PTPRD: variants seen among roughly 807,000 people sequenced by gnomAD.
PTPRD encodes protein tyrosine phosphatase receptor type D, also known as receptor-type tyrosine-protein phosphatase delta.
A neutral mutation model predicts 214.5 loss-of-function variants in PTPRD; 34 were observed. The observed-to-expected ratio is 0.16, with a 90% CI of 0.12 to 0.21. The LOEUF is 0.21. Among genes scored for constraint, PTPRD ranks in the 10% least tolerant of loss-of-function variants. The pLI, the probability that PTPRD is intolerant of heterozygous loss-of-function variation, is 1.00. For missense variants in PTPRD, 2,545 were observed against 2,398.7 expected (o/e 1.06, Z -1.27); for synonymous variants, 1,128 against 845.7 (o/e 1.33, Z -5.79).
chr9:9,561,776 C>T (rs1318587699), intron 8 of PTPRD, among the ~76,000 whole-genome samples: 1 of 152,194 alleles, frequency 6.6e-6, no homozygotes, highest in East Asian at 1.9e-4. Context: ...AAAGACATCA[C>T]ATACTTTTCT....
At chr9:9,615,892 G>C (rs1033946659) in intron 7 of PTPRD, among the ~76,000 whole-genome samples, 5 of 152,132 alleles carry the variant, frequency 3.3e-5, no homozygotes, top group African/African-American at 1.2e-4. Flanking sequence ...TCTCTCAATA[G>C]GATGGCTGTG....
intron 9 of PTPRD, among the ~76,000 whole-genome samples, chr9:9,322,986 C>T (rs1420275968): frequency 2.0e-5 from 3 of 152,032 alleles, no homozygotes; most frequent in African/African-American, 7.2e-5. Context: ...TATAAACCTT[C>T]CAAGAAAATA....
intron 4 of PTPRD, among the ~76,000 whole-genome samples, chr9:9,967,332 C>A (rs929133684): frequency 1.3e-5 from 2 of 152,044 alleles, no homozygotes; most frequent in Non-Finnish European, 2.9e-5. Context: ...GAAATAAAGG[C>A]CCTTAACAAC....
At chr9:9,868,008 T>C (rs1281750463) in intron 5 of PTPRD, among the ~76,000 whole-genome samples, 1 of 151,986 alleles carries the variant, frequency 6.6e-6, no homozygotes, top group East Asian at 1.9e-4. Context: ...CCTCACAAGG[T>C]CAGGGGAGTA....
intron 4 of PTPRD, among the ~76,000 whole-genome samples, chr9:9,978,646 G>A (rs914153222): frequency 6.6e-6 from 1 of 152,088 alleles, no homozygotes; most frequent in East Asian, 1.9e-4. Context: ...ATGCACGCAT[G>A]CATGTATAGA....
At chr9:8,819,961 G>C (rs1437487046) in intron 11 of PTPRD, among the ~76,000 whole-genome samples, 1 of 152,074 alleles carries the variant, frequency 6.6e-6, no homozygotes, top group Non-Finnish European at 1.5e-5. Context: ...TGACAATTGA[G>C]TTGAGTGCCC....
At chr9:8,911,195 A>G (rs1352137641) in intron 11 of PTPRD, among the ~76,000 whole-genome samples, 1 of 152,232 alleles carries the variant, frequency 6.6e-6, no homozygotes, top group African/African-American at 2.4e-5. Context: ...GATTTTCATT[A>G]TTGATTTAAG....
intron 3 of PTPRD, among the ~76,000 whole-genome samples, chr9:10,118,487 A>G (rs910589737): frequency 2.0e-5 from 3 of 151,810 alleles, no homozygotes; most frequent in African/African-American, 7.2e-5. Context: ...TACCTGACAC[A>G]TAATAAAGAT....
At chr9:8,685,049 C>T (rs1416414053) in intron 12 of PTPRD, among the ~76,000 whole-genome samples, 2 of 152,024 alleles carry the variant, frequency 1.3e-5, no homozygotes, top group Admixed American at 6.5e-5. Context: ...TGTCAAGATG[C>T]CCTTCTGTCC....
chr9:9,006,890 T>C (rs2099472768), intron 11 of PTPRD, among the ~76,000 whole-genome samples: 1 of 152,030 alleles, frequency 6.6e-6, no homozygotes, highest in Non-Finnish European at 1.5e-5. Flanking sequence ...GGGGGTCATA[T>C]TTACATTTAA....
chr9:8,734,980 G>A (rs1038576875), intron 11 of PTPRD, among the ~76,000 whole-genome samples: 1 of 152,122 alleles, frequency 6.6e-6, no homozygotes, highest in Non-Finnish European at 1.5e-5. Context: ...GAAAACCTGA[G>A]TTTCCTGGTT....
chr9:9,785,863 C>A (rs2098919452), intron 5 of PTPRD, among the ~76,000 whole-genome samples: 1 of 152,048 alleles, frequency 6.6e-6, no homozygotes. Context: ...TTGCACAATT[C>A]CTGCTAGTCA....
At chr9:8,429,358 C>A (rs1365646572) in intron 35 of PTPRD, among the ~76,000 whole-genome samples, 1 of 152,034 alleles carries the variant, frequency 6.6e-6, no homozygotes, top group African/African-American at 2.4e-5. Flanking sequence ...TGCTCCTTAC[C>A]TCTATGATGG....
chr9:9,195,330 T>TG (rs2099937897), intron 9 of PTPRD, among the ~76,000 whole-genome samples: 1 of 152,032 alleles, frequency 6.6e-6, no homozygotes, highest in Non-Finnish European at 1.5e-5. Context: ...CAAAATATTC[T>TG]GTTTGTGAAA....
chr9:10,139,101 T>C (rs1454543255), intron 3 of PTPRD, among the ~76,000 whole-genome samples: 1 of 152,068 alleles, frequency 6.6e-6, no homozygotes, highest in Non-Finnish European at 1.5e-5. Flanking sequence ...GAAGTCAAAC[T>C]ATCTTTCTTC....
chr9:8,436,747 A>C, intron 34 of PTPRD, 58 bp from the exon 35 acceptor site: 4 of 1,301,570 alleles, frequency 3.1e-6, no homozygotes, highest in South Asian at 2.4e-5. Context: ...GATGCTAACT[A>C]TTCCAAAATA....
intron 3 of PTPRD, among the ~76,000 whole-genome samples, chr9:10,067,327 T>C (rs1014709288): frequency 3.3e-5 from 5 of 151,912 alleles, no homozygotes; most frequent in African/African-American, 7.2e-5. Context: ...GCTACAATTA[T>C]AATGGCACGT....
At chr9:9,888,307 G>A (rs1056696626) in intron 5 of PTPRD, among the ~76,000 whole-genome samples, 42 of 152,140 alleles carry the variant, frequency 2.8e-4, no homozygotes, top group African/African-American at 1.0e-3. Context: ...TAGTCCCCAA[G>A]TCATTATCTA....
At chr9:10,020,451 C>T (rs978581182) in intron 4 of PTPRD, among the ~76,000 whole-genome samples, 2 of 115,174 alleles carry the variant, frequency 1.7e-5, no homozygotes, top group African/African-American at 2.9e-5. Flanking sequence ...ACAGGTGTGC[C>T]GCCATCACAC....
Sources: gnomAD v4.1 joint callset for allele counts (sites outside exome capture counted in the v4.1 genomes callset) on GRCh38, gnomAD v4.1.1 for gene constraint, MANE v1.5 for transcripts, NCBI Gene and HGNC (gene_info 2026-07-23, HGNC 2026-07-21) for gene names.